ARHGAP28: variants seen among roughly 807,000 people sequenced by gnomAD.
ARHGAP28 encodes Rho GTPase activating protein 28.
A neutral mutation model predicts 90.7 loss-of-function variants in ARHGAP28; 56 were observed. The ratio of observed to expected loss-of-function variants is 0.62; its 90% CI spans 0.50 to 0.77. The LOEUF (loss-of-function observed/expected upper bound fraction) is 0.77, where lower values mean the gene tolerates loss of function less well. Ranked by LOEUF, ARHGAP28 falls within the 30% of genes least tolerant of loss-of-function variation. ARHGAP28 has a pLI of 0.00. For synonymous variants in ARHGAP28, 308 were observed against 323.3 expected (o/e 0.95, Z 0.51); for missense variants, 869 against 900.9 (o/e 0.96, Z 0.45).
At chr18:6,788,282 C>G (rs960401168) in intron 1 of ARHGAP28, among the ~76,000 whole-genome samples, 3 of 152,050 alleles carry the variant, frequency 2.0e-5, no homozygotes, top group African/African-American at 4.8e-5. Context: ...TGCTAGCTCC[C>G]CCTTTGCCTT....
intron 1 of ARHGAP28, among the ~76,000 whole-genome samples, chr18:6,758,361 A>G (rs1385537613): frequency 6.6e-6 from 1 of 151,978 alleles, no homozygotes; most frequent in African/African-American, 2.4e-5. Context: ...TTTGAAACAA[A>G]GTCGCTCAGG....
chr18:6,910,168 T>C (rs1408271528), intron 17 of ARHGAP28, among the ~76,000 whole-genome samples: 2 of 152,198 alleles, frequency 1.3e-5, no homozygotes, highest in African/African-American at 4.8e-5. Flanking sequence ...TGAGTTGATC[T>C]TTCCCTCCTT....
intron 1 of ARHGAP28, among the ~76,000 whole-genome samples, chr18:6,770,477 A>G (rs767285077): frequency 6.6e-6 from 1 of 152,188 alleles, no homozygotes; most frequent in Admixed American, 6.5e-5. Flanking sequence ...GTTACGTTAG[A>G]TGAAGAAAAA....
chr18:6,846,567 A>T (rs903888544), intron 3 of ARHGAP28, among the ~76,000 whole-genome samples: 4 of 151,404 alleles, frequency 2.6e-5, no homozygotes, highest in African/African-American at 9.7e-5. Flanking sequence ...TTCTAATTTT[A>T]TTATATTTTT....
At chr18:6,806,469 A>AAT (rs916895941) in intron 1 of ARHGAP28, among the ~76,000 whole-genome samples, 8 of 151,872 alleles carry the variant, frequency 5.3e-5, no homozygotes, top group East Asian at 1.9e-4. Flanking sequence ...AAAAGATTGA[A>AAT]ATATATATAT....
chr18:6,823,601 A>ATT (rs141094607), intron 1 of ARHGAP28, among the ~76,000 whole-genome samples: 63 of 130,060 alleles, frequency 4.8e-4, no homozygotes, highest in Admixed American at 6.3e-4. Flanking sequence ...GTGGCTCTTA[A>ATT]TTTTTTTTTT....
chr18:6,774,920 T>G (rs1327234785), intron 1 of ARHGAP28, among the ~76,000 whole-genome samples: 1 of 152,234 alleles, frequency 6.6e-6, no homozygotes, highest in Non-Finnish European at 1.5e-5. Context: ...GGCCTCTGTC[T>G]ACCCCTCCCT....
chr18:6,841,125 C>G (rs1044848259), intron 3 of ARHGAP28, among the ~76,000 whole-genome samples: 2 of 127,550 alleles, frequency 1.6e-5, no homozygotes, highest in Non-Finnish European at 3.6e-5. Flanking sequence ...TCTCTTCTCT[C>G]TCTCTCTCCT....
At chr18:6,883,188 C>T (rs886686827) in intron 11 of ARHGAP28, among the ~76,000 whole-genome samples, 103 of 151,926 alleles carry the variant, frequency 6.8e-4, no homozygotes, top group African/African-American at 2.1e-3. Context: ...GACTGAGAGC[C>T]AAATCCAGGC....
At chr18:6,811,659 A>AT (rs1179012362) in intron 1 of ARHGAP28, among the ~76,000 whole-genome samples, 4 of 150,644 alleles carry the variant, frequency 2.7e-5, no homozygotes, top group Non-Finnish European at 4.4e-5. Context: ...TTACACGTCT[A>AT]TTTTTTTTTC....
At chr18:6,843,908 C>T (rs1490020909) in intron 3 of ARHGAP28, among the ~76,000 whole-genome samples, 1 of 152,062 alleles carries the variant, frequency 6.6e-6, no homozygotes, top group East Asian at 1.9e-4. Context: ...GACATTTAAC[C>T]TTTGTTTTAG....
rs1555631466 is a variant in ARHGAP28, at chr18:6,841,175, T to TCTCCC, written c.543+3764_543+3765insCCCTC. Among the ~76,000 whole-genome samples the TCTCCC allele has an allele frequency of 3.8e-4, 32 of 83,384 alleles. 1 individual carries two copies. Among genetic ancestry groups the TCTCCC allele is most frequent in the Non-Finnish European group, 5.4e-4 (23 of 42,590 alleles). The allele number at this position is 83,384 out of a possible 152,430, so 54.7% of individuals were successfully genotyped here. ...CTCCTCTTTCTCTCTCTCCTCTCTC[T>TCTCCC]CTCTCCTCTCTCTCTCTCTCTCTCT... On this transcript the variant is annotated intron_variant, in intron 3 of 17. Coordinates refer to ENST00000383472, the MANE Select transcript of ARHGAP28 (RefSeq NM_001366230.1).
chr18:6,818,861 G>A (rs2056608639), intron 1 of ARHGAP28, among the ~76,000 whole-genome samples: 1 of 152,230 alleles, frequency 6.6e-6, no homozygotes, highest in South Asian at 2.1e-4. Flanking sequence ...TAGCAAAGAA[G>A]TTTTGAGGAC....
intron 17 of ARHGAP28, among the ~76,000 whole-genome samples, chr18:6,910,421 C>A (rs2143874881): frequency 6.6e-6 from 1 of 152,256 alleles, no homozygotes; most frequent in Non-Finnish European, 1.5e-5. Flanking sequence ...ACTGAGATTT[C>A]TATCCCACGG....
intron 3 of ARHGAP28, among the ~76,000 whole-genome samples, chr18:6,841,173 T>TCC (rs1555631463): frequency 1.2e-5 from 1 of 82,236 alleles, no homozygotes; most frequent in Non-Finnish European, 2.4e-5. Context: ...CTCTCCTCTC[T>TCC]CTCTCTCCTC....
chr18:6,852,457 C>T (rs1367759616), intron 4 of ARHGAP28, among the ~76,000 whole-genome samples: 1 of 152,126 alleles, frequency 6.6e-6, no homozygotes, highest in Non-Finnish European at 1.5e-5. Context: ...TAATTTACTG[C>T]AAAATACAAT....
chr18:6,787,780 C>A lies in ARHGAP28; in HGVS notation c.123-36982C>A, dbSNP rs187956611. On this transcript the variant is annotated intron_variant, in intron 1 of 17. Transcript: ENST00000383472. ...TATTAAAAGTGTTAGACACAACTCTCAAAGACAACTGTATTTAAATATACA... is the reference window on the plus strand; with the variant it reads ...TATTAAAAGTGTTAGACACAACTCTAAAAGACAACTGTATTTAAATATACA... Among the ~76,000 whole-genome samples the A allele has an allele frequency of 7.6e-3, 1,165 of 152,292 alleles. 8 individuals are homozygous for A. Among genetic ancestry groups the A allele is most frequent in the Admixed American group, 0.013 (193 of 15,296 alleles).
At chr18:6,881,846 A>T (rs1360533593) in intron 10 of ARHGAP28, among the ~76,000 whole-genome samples, 1 of 152,258 alleles carries the variant, frequency 6.6e-6, no homozygotes, top group African/African-American at 2.4e-5. Context: ...TATTCTGCCA[A>T]AACCACAGAA....
At chr18:6,853,839 C>T (rs2056930350) in intron 4 of ARHGAP28, among the ~76,000 whole-genome samples, 1 of 152,104 alleles carries the variant, frequency 6.6e-6, no homozygotes, top group African/African-American at 2.4e-5. Flanking sequence ...TCCACCTTTC[C>T]AGATCGAACC....
Sources: allele counts gnomAD v4.1 joint callset (sites outside exome capture counted in the v4.1 genomes callset), GRCh38; gene constraint gnomAD v4.1.1; transcripts MANE v1.5; gene names NCBI Gene and HGNC (gene_info 2026-07-23, HGNC 2026-07-21).